The following GLRA3 variants were observed in gnomAD, a reference collection of about 807,000 sequenced individuals.
GLRA3 encodes the protein glycine receptor subunit alpha-3.
GLRA3 carries 44 observed loss-of-function variants against 60.4 expected under a neutral mutation model. That is an observed-to-expected ratio of 0.73 (90% confidence interval 0.57 to 0.94). GLRA3 has a LOEUF of 0.94. Ranked by LOEUF, GLRA3 falls within the 40% of genes least tolerant of loss-of-function variation. The probability of loss-of-function intolerance (pLI) is 0.00; values close to 1 mark genes in which losing one functional copy is unlikely to be tolerated. For missense variants in GLRA3, 508 were observed against 564.6 expected, an observed-to-expected ratio of 0.90 and a Z score of 1.02; for synonymous variants, 223 against 192.9, an observed-to-expected ratio of 1.16 and a Z score of -1.29.
chr4:174,718,073 A>C (rs1382407799), intron 4 of GLRA3, among the ~76,000 whole-genome samples: 1 of 152,236 alleles, frequency 6.6e-6, no homozygotes, highest in African/African-American at 2.4e-5. Flanking sequence ...ATTATTTGGC[A>C]AAGAAAAACA....
rs560093755 is a variant in GLRA3, at chr4:174,659,191, A to C, written c.934T>G (p.Tyr312Asp). 6.8e-5 allele frequency: 109 copies of C among 1,610,362 alleles called. No individual in the cohort carries two copies. Among genetic ancestry groups the C allele is most frequent in the Non-Finnish European group, 8.9e-5 (105 of 1,178,318 alleles). ...ATCCAAATATCAATAGCTTTGACAT[A>C]TGAAACCTAGCCAAGAGAGAAAGAG... Reference protein sequence around the residue: ...GSRASLPKVSYVKAIDIWMAV... With the variant: ...GSRASLPKVSDVKAIDIWMAV... Residue 312 changes from tyrosine to aspartate, a missense_variant, in exon 8 of 10, where the codon TAT becomes GAT. Tyr to Asp is a radical substitution (Grantham distance 160, BLOSUM62 -3). Around this residue, in one of 3 missense-constraint regions of GLRA3, gnomAD observed 176 missense variants for 197.9 expected, o/e 0.89. Transcript: ENST00000274093.
intron 3 of GLRA3, among the ~76,000 whole-genome samples, chr4:174,756,587 G>C (rs191518018): frequency 6.6e-6 from 1 of 151,386 alleles, no homozygotes; most frequent in Admixed American, 6.6e-5. Flanking sequence ...AACAGTGGAA[G>C]TAAACTCAAT....
At chr4:174,689,290 T>C (rs367581463) in intron 5 of GLRA3, among the ~76,000 whole-genome samples, 1 of 152,188 alleles carries the variant, frequency 6.6e-6, no homozygotes, top group African/African-American at 2.4e-5. Context: ...CTAATAATTG[T>C]ACTATTTGCA....
At chr4:174,793,180 A>G (rs1047239828) in intron 1 of GLRA3, among the ~76,000 whole-genome samples, 1 of 152,044 alleles carries the variant, frequency 6.6e-6, no homozygotes, top group Non-Finnish European at 1.5e-5. Flanking sequence ...TGTGTTTCTT[A>G]CTGTATTATT....
chr4:174,730,053 AT>A (rs781567572), intron 3 of GLRA3, among the ~76,000 whole-genome samples: 1 of 152,020 alleles, frequency 6.6e-6, no homozygotes, highest in Non-Finnish European at 1.5e-5. Context: ...ACCAGAAAAT[AT>A]TTTTTCTGCT....
chr4:174,815,436 G>T (rs183538402), intron 1 of GLRA3, among the ~76,000 whole-genome samples: 1 of 152,184 alleles, frequency 6.6e-6, no homozygotes, highest in Non-Finnish European at 1.5e-5. Context: ...GGGACTCTGC[G>T]TGGGGGCTCC....
intron 1 of GLRA3, among the ~76,000 whole-genome samples, chr4:174,793,407 T>G (rs1739435677): frequency 6.6e-6 from 1 of 150,692 alleles, no homozygotes; most frequent in Non-Finnish European, 1.5e-5. Flanking sequence ...TCTTAAGTAA[T>G]GTCAAAATTT....
chr4:174,808,054 C>A (rs559381359), intron 1 of GLRA3, among the ~76,000 whole-genome samples: 1 of 151,956 alleles, frequency 6.6e-6, no homozygotes. Flanking sequence ...CTAGGATGGT[C>A]GCTGTGCTGT....
chr4:174,656,937 A>G, intron 8 of GLRA3, 150 bp from the exon 9 acceptor site: 2 of 519,438 alleles, frequency 3.9e-6, no homozygotes, highest in South Asian at 3.2e-5. Context: ...TATGCAAAGT[A>G]TCTACCCCAA....
intron 9 of GLRA3, 71 bp downstream of exon 9, chr4:174,656,672 G>C (rs970312770): frequency 1.2e-6 from 1 of 816,836 alleles, no homozygotes; most frequent in Non-Finnish European, 2.2e-6. Context: ...TGCCTTGGTA[G>C]TGCAGAATAT....
intron 3 of GLRA3, among the ~76,000 whole-genome samples, chr4:174,752,511 A>G (rs992858945): frequency 6.6e-6 from 1 of 151,982 alleles, no homozygotes; most frequent in Non-Finnish European, 1.5e-5. Context: ...ACTCCATTGG[A>G]GAGAGAGAGA....
chr4:174,798,789 T>G (rs1739680535), intron 1 of GLRA3, among the ~76,000 whole-genome samples: 1 of 152,058 alleles, frequency 6.6e-6, no homozygotes, highest in Admixed American at 6.5e-5. Flanking sequence ...CTGGGTGTGG[T>G]GGTGAGCGCC....
chr4:174,724,474 T>TA (rs1197834178), intron 4 of GLRA3, among the ~76,000 whole-genome samples: 4 of 152,122 alleles, frequency 2.6e-5, no homozygotes, highest in African/African-American at 9.7e-5. Flanking sequence ...AATGCATTTA[T>TA]AAAAAAAGTT....
At position 174,788,860 on chromosome 4, in the gene GLRA3, C is replaced by G; in HGVS notation, c.155G>C (p.Gly52Ala). ...SPSDFLDKLM[G>A]RTSGYDARIR... is the part of the protein sequence containing the mutation. The stretch of plus-strand genomic sequence containing the variant: ...TCTTGCATCATATCCTGATGTCCTG[C>G]CCATTAATTTATCCAGAAAATCAGA... Residue 52 changes from glycine (G) to alanine (A), a missense_variant, in exon 2 of 10, where the codon GGC becomes GCC. Physicochemically the swap from Gly to Ala is moderately conservative, Grantham distance 60. Around this residue, in one of 3 missense-constraint regions of GLRA3, gnomAD observed 329 missense variants for 349.3 expected, o/e 0.94. Coordinates refer to ENST00000274093, the MANE Select transcript of GLRA3 (RefSeq NM_006529.4). 2 of 1,607,720 alleles carry G rather than the reference C, an allele frequency of 1.2e-6. No individual in the cohort carries two copies. Among genetic ancestry groups the G allele is most frequent in the Non-Finnish European group, 1.7e-6 (2 of 1,175,184 alleles).
chr4:174,820,264 A>G (rs1740689664), intron 1 of GLRA3, among the ~76,000 whole-genome samples: 2 of 152,362 alleles, frequency 1.3e-5, no homozygotes, highest in Non-Finnish European at 2.9e-5. Context: ...AAGCTGCACC[A>G]AATTCCTCGT....
At chr4:174,666,740 ATATATATATATATATATAT>A (rs1304741996) in intron 7 of GLRA3, among the ~76,000 whole-genome samples, 1 of 120,532 alleles carries the variant, frequency 8.3e-6, no homozygotes, top group East Asian at 2.5e-4. Context: ...TCAAATAAGA[ATATATATATATATATATAT>A]TATATATATA....
intron 3 of GLRA3, among the ~76,000 whole-genome samples, chr4:174,762,912 C>A (rs1409472047): frequency 2.6e-5 from 4 of 152,090 alleles, no homozygotes; most frequent in African/African-American, 9.7e-5. Flanking sequence ...CCACCCCTGA[C>A]CAAAGATAGT....
At chr4:174,814,971 C>G (rs1398237947) in intron 1 of GLRA3, among the ~76,000 whole-genome samples, 2 of 152,186 alleles carry the variant, frequency 1.3e-5, no homozygotes, top group Non-Finnish European at 2.9e-5. Flanking sequence ...AGTCCACAGT[C>G]TAAAGTCTCA....
At chr4:174,760,330 T>C (rs1021354512) in intron 3 of GLRA3, among the ~76,000 whole-genome samples, 2 of 152,192 alleles carry the variant, frequency 1.3e-5, no homozygotes, top group African/African-American at 4.8e-5. Context: ...TTGGAGAACA[T>C]GTAAAACAAT....
Sources: gnomAD v4.1 joint callset for allele counts (sites outside exome capture counted in the v4.1 genomes callset) on GRCh38, gnomAD v4.1.1 for gene constraint, gnomAD v4.1.1 regional missense constraint, MANE v1.5 for transcripts, NCBI Gene and HGNC (gene_info 2026-07-23, HGNC 2026-07-21) for gene names.